CRISP1: variants seen among roughly 807,000 people sequenced by gnomAD.
The protein encoded by CRISP1 is cysteine rich secretory protein 1.
CRISP1 carries 44 observed loss-of-function variants against 33.1 expected under a neutral mutation model. The observed-to-expected ratio is 1.33, with a 90% confidence interval of 1.05 to 1.71. The LOEUF (loss-of-function observed/expected upper bound fraction) is 1.71, where lower values mean the gene tolerates loss of function less well. Ranked by LOEUF, CRISP1 falls within the 40% of genes most tolerant of loss-of-function variation. The probability of loss-of-function intolerance (pLI) is 0.00; values close to 1 mark genes in which losing one functional copy is unlikely to be tolerated. For missense variants in CRISP1, 390 were observed against 301.2 expected, an observed-to-expected ratio of 1.29 and a Z score of -2.18; for synonymous variants, 103 against 98.7, an observed-to-expected ratio of 1.04 and a Z score of -0.26.
At chr6:49,873,468 C>A (rs1377395446) in intron 1 of CRISP1, among the ~76,000 whole-genome samples, 2 of 152,072 alleles carry the variant, frequency 1.3e-5, no homozygotes, top group Non-Finnish European at 2.9e-5. Context: ...TAGCATAAAG[C>A]AACCACCCTA....
intron 1 of CRISP1, 77 bp from the exon 2 acceptor site, chr6:49,857,479 T>G: frequency 7.3e-7 from 1 of 1,371,306 alleles, no homozygotes; most frequent in Admixed American, 1.8e-5. Context: ...TTTAAACCAC[T>G]TTTACATGTG....
intron 5 of CRISP1, among the ~76,000 whole-genome samples, chr6:49,845,205 G>GGCC (rs1771121998): frequency 6.6e-6 from 1 of 152,094 alleles, no homozygotes; most frequent in Admixed American, 6.6e-5. Flanking sequence ...GTTCCAGTAG[G>GGCC]ATTTGTGTCC....
At chr6:49,840,206 G>A (rs1274834455) in intron 6 of CRISP1, among the ~76,000 whole-genome samples, 1 of 152,262 alleles carries the variant, frequency 6.6e-6, no homozygotes, top group Middle Eastern at 3.4e-3. Flanking sequence ...ACCGTCACTG[G>A]AGCCACACAG....
In CRISP1 at chr6:49,859,415, G is replaced by A. The variant is rs201546129; in HGVS notation, c.-2-2013C>T. ...AGTGCTGAAAGAAAAAAAAAAAAAAGAAACATCCACCTATGGATACTATAA... is the reference window on the plus strand; with the variant it reads ...AGTGCTGAAAGAAAAAAAAAAAAAAAAAACATCCACCTATGGATACTATAA... On this transcript the variant is annotated intron_variant, in intron 1 of 7. Coordinates refer to ENST00000335847, the MANE Select transcript of CRISP1 (RefSeq NM_001131.3). Among the ~76,000 whole-genome samples the A allele has an allele frequency of 7.7e-3, 1,103 of 143,638 alleles. 16 individuals carry two copies. The highest frequency in any genetic ancestry group is 0.026 in the African/African-American group (1,018 of 38,878). The allele number at this position is 143,638 out of a possible 152,430, so 94.2% of individuals were successfully genotyped here. A position where few individuals can be genotyped will look rare whatever the true frequency, so the allele number is the denominator to read the frequency against.
chr6:49,871,730 T>C (rs929522074), intron 1 of CRISP1, among the ~76,000 whole-genome samples: 3 of 151,872 alleles, frequency 2.0e-5, no homozygotes, highest in Admixed American at 6.6e-5. Flanking sequence ...GACATGAACT[T>C]ATCATTTTTT....
rs527278075 is a variant in CRISP1 at position 49,876,718 on chromosome 6, G to C, written c.-3+291C>G. On this transcript the variant is annotated intron_variant, in intron 1 of 7. Transcript: ENST00000505118. ...ACTATGTAGCCATAAAGAAGAACAC[G>C]ATTATGTCCTTTGCAGGGACATAGA... Among the ~76,000 whole-genome samples, 11 of 152,090 alleles carry C rather than the reference G, an allele frequency of 7.2e-5. 1 individual carries two copies. The South Asian group carries it at 2.1e-3, about 29-fold the overall frequency.
chr6:49,876,544 CA>C (rs761005769), intron 1 of CRISP1, among the ~76,000 whole-genome samples: 31 of 152,030 alleles, frequency 2.0e-4, no homozygotes, highest in Non-Finnish European at 3.5e-4. Flanking sequence ...GGTATACACT[CA>C]AACAAATATA....
At chr6:49,855,259 A>G (rs1771463327) in intron 2 of CRISP1, among the ~76,000 whole-genome samples, 1 of 152,100 alleles carries the variant, frequency 6.6e-6, no homozygotes, top group Non-Finnish European at 1.5e-5. Context: ...ATTCTTTCAT[A>G]ATGCATTCTC....
At chr6:49,870,825 G>T (rs1771905302), upstream of CRISP1, among the ~76,000 whole-genome samples, 1 of 152,112 alleles carries the variant, frequency 6.6e-6, no homozygotes, top group African/African-American at 2.4e-5. Context: ...GGCCAGGCGT[G>T]GTGGCTCATG....
At chr6:49,843,577 A>G (rs1771062824) in intron 5 of CRISP1, among the ~76,000 whole-genome samples, 1 of 152,216 alleles carries the variant, frequency 6.6e-6, no homozygotes, top group African/African-American at 2.4e-5. Context: ...TGTGAATTCA[A>G]TAAAATAAAC....
At chr6:49,836,286 A>T (rs1388193668) in intron 7 of CRISP1, among the ~76,000 whole-genome samples, 1 of 151,746 alleles carries the variant, frequency 6.6e-6, no homozygotes, top group Non-Finnish European at 1.5e-5. Context: ...ATAAAGTTTG[A>T]TCATTGCATG....
chr6:49,858,823 A>C (rs1274407572), intron 1 of CRISP1, among the ~76,000 whole-genome samples: 1 of 152,176 alleles, frequency 6.6e-6, no homozygotes, highest in African/African-American at 2.4e-5. Flanking sequence ...GAGGGGCTTC[A>C]AGAAAGATAG....
rs1380367115 is a variant in CRISP1, at chr6:49,855,573, C to T, written c.66+1762G>A. Among the ~76,000 whole-genome samples the T allele has an allele frequency of 4.6e-5, 7 of 152,118 alleles. No individual in the cohort carries two copies. The South Asian group carries it at 8.3e-4, about 18-fold the overall frequency. ...CTTATTCTTCAGATTGCAGGTATACCGTGTGCTCAGATAAGTCTCTAATTA... is the reference window on the plus strand; with the variant it reads ...CTTATTCTTCAGATTGCAGGTATACTGTGTGCTCAGATAAGTCTCTAATTA... On this transcript the variant is annotated intron_variant, in intron 2 of 7. Coordinates refer to ENST00000335847, the MANE Select transcript of CRISP1 (RefSeq NM_001131.3).
chr6:49,859,359 G>T (rs906771923), intron 1 of CRISP1, among the ~76,000 whole-genome samples: 1 of 150,382 alleles, frequency 6.6e-6, no homozygotes, highest in African/African-American at 2.5e-5. Flanking sequence ...GCTGCACCTA[G>T]CTGCTGCTGC....
chr6:49,842,628 C>T (rs1018673344), intron 5 of CRISP1, among the ~76,000 whole-genome samples: 1 of 152,138 alleles, frequency 6.6e-6, no homozygotes, highest in Non-Finnish European at 1.5e-5. Context: ...TACTCACCTT[C>T]GCATTAATGT....
chr6:49,865,197 T>C (rs1771768167), intron 1 of CRISP1, among the ~76,000 whole-genome samples: 1 of 152,162 alleles, frequency 6.6e-6, no homozygotes, highest in Non-Finnish European at 1.5e-5. Flanking sequence ...TTCACATACA[T>C]AGTCATCTGA....
chr6:49,858,731 C>T lies in CRISP1; in HGVS notation c.-2-1329G>A, dbSNP rs1771563751. On this transcript the variant is annotated intron_variant, in intron 1 of 7. Transcript: ENST00000335847. ...GAAATGTCCCTTTCTCTTTCTAATG[C>T]TCAAAAAATCTAGTAAAGCAGATAA... 3.3e-5 allele frequency among the ~76,000 whole-genome samples: 5 copies of T among 151,988 alleles called. No individual in the cohort carries two copies. In the South Asian group the frequency reaches 1.0e-3, roughly 32 times the overall value.
chr6:49,848,134 G>A, intron 4 of CRISP1, 75 bp downstream of exon 4: 2 of 794,640 alleles, frequency 2.5e-6, no homozygotes, highest in Non-Finnish European at 4.0e-6. Context: ...ACTTTCATCA[G>A]GGTACATAAC....
At chr6:49,862,045 T>C (rs1771667893) in intron 1 of CRISP1, among the ~76,000 whole-genome samples, 1 of 152,142 alleles carries the variant, frequency 6.6e-6, no homozygotes, top group African/African-American at 2.4e-5. Flanking sequence ...GCTGGGAAGT[T>C]CTAGCCAGAG....
Sources: gnomAD v4.1 joint callset for allele counts (sites outside exome capture counted in the v4.1 genomes callset) on GRCh38, gnomAD v4.1.1 for gene constraint, MANE v1.5 for transcripts, NCBI Gene and HGNC (gene_info 2026-07-23, HGNC 2026-07-21) for gene names.